Variants in TTLL11 observed in about 807,000 individuals in gnomAD.
TTLL11 encodes tubulin polyglutamylase TTLL11.
TTLL11 carries 42 observed loss-of-function variants against 51.7 expected under a neutral mutation model. That is an observed-to-expected ratio of 0.81 (90% CI 0.64 to 1.05). The LOEUF is 1.05. Among genes scored for constraint, TTLL11 ranks in the 50% least tolerant of loss-of-function variants. The pLI is 0.00. For synonymous variants in TTLL11, 381 were observed against 383.5 expected (o/e 0.99, Z 0.08); for missense variants, 799 against 940.4 (o/e 0.85, Z 1.97).
chr9:121,826,515 G>GTGTGTGTGTATATATATATGGGTGTA (rs1424855550), intron 8 of TTLL11, among the ~76,000 whole-genome samples: 1 of 34,450 alleles, frequency 2.9e-5, no homozygotes, highest in Non-Finnish European at 7.5e-5. Flanking sequence ...ATATATATAT[G>GTGTGTGTGTATATATATATGGGTGTA]TATATATATA....
At chr9:121,944,451 T>C (rs1841595767) in intron 6 of TTLL11, among the ~76,000 whole-genome samples, 1 of 151,766 alleles carries the variant, frequency 6.6e-6, no homozygotes, top group African/African-American at 2.4e-5. Context: ...GAGGTTGCAG[T>C]GAGCCGAGAT....
rs1358407519 is a variant in TTLL11 at position 121,995,224 on chromosome 9, G to A, written c.694-5454C>T. ...GGAAGAAGAGGGCACCTGGGAGCCA[G>A]AGGCTGGAACGGGCAGAACAGACCC... On this transcript the variant is annotated intron_variant, in intron 3 of 8. Coordinates refer to ENST00000321582, the MANE Select transcript of TTLL11 (RefSeq NM_001139442.2). The surrounding 1 kb of genome is among the most constrained non-coding windows in gnomAD (Gnocchi z 4.4). Among the ~76,000 whole-genome samples the A allele has an allele frequency of 6.6e-6, 1 of 152,206 alleles. No individual in the cohort carries two copies. The highest frequency in any genetic ancestry group is 2.4e-5 in the African/African-American group (1 of 41,470).
At chr9:122,012,689 C>T (rs1843845105) in intron 3 of TTLL11, among the ~76,000 whole-genome samples, 1 of 151,896 alleles carries the variant, frequency 6.6e-6, no homozygotes, top group Admixed American at 6.6e-5. Context: ...CACACACACA[C>T]ACACACACAC....
intron 3 of TTLL11, among the ~76,000 whole-genome samples, chr9:122,011,795 G>T (rs558122387): frequency 3.9e-5 from 6 of 152,222 alleles, no homozygotes; most frequent in African/African-American, 1.4e-4. Context: ...AAAATAAAAA[G>T]CTAAAAGAAA....
intron 7 of TTLL11, among the ~76,000 whole-genome samples, 169 bp from the exon 8 acceptor site, chr9:121,860,612 G>A (rs1837976280): frequency 1.3e-5 from 2 of 152,206 alleles, no homozygotes; most frequent in African/African-American, 4.8e-5. Context: ...CAGGTGATTA[G>A]GTCGTGAGGG....
At chr9:121,845,287 CA>C (rs1837486620) in intron 8 of TTLL11, among the ~76,000 whole-genome samples, 2 of 152,080 alleles carry the variant, frequency 1.3e-5, no homozygotes, top group Non-Finnish European at 2.9e-5. Context: ...GAAACCCCAC[CA>C]ACCTAGAATT....
At chr9:121,919,182 G>C (rs1156554148) in intron 6 of TTLL11, among the ~76,000 whole-genome samples, 1 of 152,146 alleles carries the variant, frequency 6.6e-6, no homozygotes, top group Non-Finnish European at 1.5e-5. Flanking sequence ...GATAATGGGG[G>C]CTCATTTAAT....
intron 6 of TTLL11, among the ~76,000 whole-genome samples, chr9:121,962,792 T>C (rs1162230221): frequency 2.0e-5 from 3 of 152,228 alleles, no homozygotes; most frequent in Non-Finnish European, 2.9e-5. Flanking sequence ...TGAACATTAT[T>C]GAAAATAAAG....
chr9:121,892,933 T>G (rs1306523286), intron 6 of TTLL11, among the ~76,000 whole-genome samples: 1 of 152,098 alleles, frequency 6.6e-6, no homozygotes, highest in Non-Finnish European at 1.5e-5. Context: ...CAGTTGGAAG[T>G]GAGCCCAGAA....
intron 6 of TTLL11, among the ~76,000 whole-genome samples, chr9:121,889,335 G>A (rs1381844025): frequency 6.6e-6 from 1 of 152,128 alleles, no homozygotes; most frequent in Non-Finnish European, 1.5e-5. Flanking sequence ...GTGATTTTGG[G>A]CAAATTACTT....
chr9:122,068,797 GGGTGTGACCA>G (rs1845659351), intron 1 of TTLL11, among the ~76,000 whole-genome samples: 1 of 152,182 alleles, frequency 6.6e-6, no homozygotes, highest in Non-Finnish European at 1.5e-5. Flanking sequence ...CCTGGCACTT[GGGTGTGACCA>G]GGTGCCTGAG....
chr9:121,877,166 C>G (rs192237380), intron 6 of TTLL11, among the ~76,000 whole-genome samples: 65 of 152,340 alleles, frequency 4.3e-4, no homozygotes, highest in South Asian at 1.9e-3. Context: ...GCGAAGTCCC[C>G]TCAGTCACTA....
At chr9:121,869,445 C>T (rs1838277906) in intron 7 of TTLL11, among the ~76,000 whole-genome samples, 2 of 152,160 alleles carry the variant, frequency 1.3e-5, no homozygotes, top group Admixed American at 6.5e-5. Context: ...TAGCAGACAT[C>T]CTCCTTGAGG....
At chr9:121,940,213 T>C (rs1327852179) in intron 6 of TTLL11, among the ~76,000 whole-genome samples, 2 of 152,206 alleles carry the variant, frequency 1.3e-5, no homozygotes, top group African/African-American at 4.8e-5. Flanking sequence ...TGATTCATAG[T>C]CATAAATCCT....
At chr9:121,873,577 G>A (rs969095385) in intron 6 of TTLL11, among the ~76,000 whole-genome samples, 1 of 151,806 alleles carries the variant, frequency 6.6e-6, no homozygotes, top group Non-Finnish European at 1.5e-5. Flanking sequence ...CTTCCAAAGT[G>A]CTGCGATTAC....
intron 8 of TTLL11, among the ~76,000 whole-genome samples, chr9:121,858,084 C>T (rs191571880): frequency 7.2e-5 from 11 of 152,290 alleles, no homozygotes; most frequent in Admixed American, 4.6e-4. Flanking sequence ...TCTCAGTCCT[C>T]GAAATGATAA....
intron 6 of TTLL11, among the ~76,000 whole-genome samples, chr9:121,880,445 G>A (rs1201959479): frequency 6.6e-6 from 1 of 152,066 alleles, no homozygotes; most frequent in East Asian, 1.9e-4. Context: ...ACGGCTTTTG[G>A]AGATAGAATC....
intron 1 of TTLL11, among the ~76,000 whole-genome samples, chr9:122,051,349 T>G (rs892789465): frequency 6.6e-6 from 1 of 152,000 alleles, no homozygotes; most frequent in Non-Finnish European, 1.5e-5. Context: ...CAGCAGAGAG[T>G]TGTGACAAAC....
chr9:122,012,678 GCACACACACA>G (rs375690929), intron 3 of TTLL11, among the ~76,000 whole-genome samples: 1 of 142,554 alleles, frequency 7.0e-6, no homozygotes, highest in South Asian at 2.3e-4. Context: ...ACACACACAC[GCACACACACA>G]CACACACACA....
Sources: gnomAD v4.1 joint callset for allele counts (sites outside exome capture counted in the v4.1 genomes callset) on GRCh38, gnomAD v4.1.1 for gene constraint, Gnocchi (gnomAD v3.1) non-coding constraint, MANE v1.5 for transcripts, NCBI Gene and HGNC (gene_info 2026-07-23, HGNC 2026-07-21) for gene names.